LUZP2: variants seen among roughly 807,000 people sequenced by gnomAD.
LUZP2 encodes the protein leucine zipper protein 2.
Under a neutral mutation model 51.6 loss-of-function variants are expected in LUZP2, and 52 were observed. The ratio of observed to expected loss-of-function variants is 1.01; its 90% CI spans 0.81 to 1.27. LUZP2 has a LOEUF of 1.27. Among genes scored for constraint, LUZP2 ranks in the 50% most tolerant of loss-of-function variants. The probability of loss-of-function intolerance (pLI) is 0.00; values close to 1 mark genes in which losing one functional copy is unlikely to be tolerated. For missense variants in LUZP2, 436 were observed against 395.4 expected (o/e 1.10, Z -0.87); for synonymous variants, 154 against 137.3 (o/e 1.12, Z -0.85).
intron 10 of LUZP2, among the ~76,000 whole-genome samples, chr11:25,070,933 C>T (rs1295127575): frequency 6.6e-6 from 1 of 151,846 alleles, no homozygotes; most frequent in African/African-American, 2.4e-5. Flanking sequence ...TTCTTTGAAT[C>T]ACCTTTAGCC....
rs113420867 is a variant in LUZP2 at position 24,645,116 on chromosome 11, G to T, written c.63-84053G>T. On this transcript the variant is annotated intron_variant, in intron 1 of 11. Coordinates refer to ENST00000336930, the MANE Select transcript of LUZP2 (RefSeq NM_001009909.4). ...TTATTGTGCAGCCTTCTGGCATTGT[G>T]TCTAATAATGACTTGAATTATCAGT... is the stretch of plus-strand genomic sequence containing the variant. 8.9e-3 allele frequency among the ~76,000 whole-genome samples: 1,359 copies of T among 152,146 alleles called. 18 individuals are homozygous for T. Among genetic ancestry groups the T allele is most frequent in the African/African-American group, 0.031 (1,276 of 41,522 alleles).
chr11:24,602,222 A>G (rs1853727219), intron 1 of LUZP2, among the ~76,000 whole-genome samples: 1 of 76,200 alleles, frequency 1.3e-5, no homozygotes, highest in Admixed American at 1.3e-4. Flanking sequence ...ATATGTATAT[A>G]TGTACATATA....
At chr11:24,509,270 T>A (rs1040585146) in intron 1 of LUZP2, among the ~76,000 whole-genome samples, 8 of 152,068 alleles carry the variant, frequency 5.3e-5, no homozygotes, top group Non-Finnish European at 1.0e-4. Flanking sequence ...AGATTTTTCT[T>A]AGAAAGTCGT....
At chr11:24,869,490 T>C (rs1565022964) in intron 5 of LUZP2, among the ~76,000 whole-genome samples, 1 of 152,056 alleles carries the variant, frequency 6.6e-6, no homozygotes, top group Non-Finnish European at 1.5e-5. Context: ...GGAGTCTCCC[T>C]CTGTCGCCGA....
intron 4 of LUZP2, among the ~76,000 whole-genome samples, chr11:24,742,747 T>G (rs907886559): frequency 6.6e-6 from 1 of 152,116 alleles, no homozygotes; most frequent in African/African-American, 2.4e-5. Flanking sequence ...GCTTTTGGGT[T>G]CTTTGTTATG....
chr11:25,052,414 C>G (rs1261471473), intron 10 of LUZP2, among the ~76,000 whole-genome samples: 1 of 152,126 alleles, frequency 6.6e-6, no homozygotes, highest in Non-Finnish European at 1.5e-5. Flanking sequence ...AAGGTCTAGA[C>G]ATTAGTTGTG....
chr11:24,585,268 A>G (rs1853024202), intron 1 of LUZP2, among the ~76,000 whole-genome samples: 1 of 151,904 alleles, frequency 6.6e-6, no homozygotes, highest in Non-Finnish European at 1.5e-5. Context: ...CAGTAAGAGG[A>G]CCTCACTATT....
At chr11:24,896,503 C>T (rs1258649798) in intron 5 of LUZP2, among the ~76,000 whole-genome samples, 2 of 152,188 alleles carry the variant, frequency 1.3e-5, no homozygotes, top group African/African-American at 2.4e-5. Flanking sequence ...CTCAAATTCT[C>T]GCCAGGCCTC....
At chr11:24,622,376 G>A (rs992498365) in intron 1 of LUZP2, among the ~76,000 whole-genome samples, 100 of 151,872 alleles carry the variant, frequency 6.6e-4, no homozygotes, top group African/African-American at 2.4e-3. Context: ...GGAACATGCG[G>A]TGTTTGTTTT....
intron 5 of LUZP2, among the ~76,000 whole-genome samples, chr11:24,863,273 T>C (rs1851792266): frequency 1.3e-5 from 2 of 152,170 alleles, no homozygotes; most frequent in South Asian, 2.1e-4. Context: ...GTGGCATTTT[T>C]CAAAATAGCC....
At chr11:24,984,538 ATATATATATAT>A (rs1424648212) in intron 9 of LUZP2, among the ~76,000 whole-genome samples, 5 of 90,878 alleles carry the variant, frequency 5.5e-5, no homozygotes, top group Non-Finnish European at 1.0e-4. Context: ...ATATATATAT[ATATATATATAT>A]AATTGTGAAT....
At chr11:24,671,743 A>G (rs1188549936) in intron 1 of LUZP2, among the ~76,000 whole-genome samples, 2 of 152,140 alleles carry the variant, frequency 1.3e-5, no homozygotes, top group African/African-American at 4.8e-5. Flanking sequence ...CCATTCCTTG[A>G]ACATTACACG....
At chr11:24,659,784 T>C (rs1219700361) in intron 1 of LUZP2, among the ~76,000 whole-genome samples, 1 of 152,130 alleles carries the variant, frequency 6.6e-6, no homozygotes, top group African/African-American at 2.4e-5. Context: ...TTGCATATAA[T>C]ATGGTAGGAA....
chr11:24,582,228 TC>T (rs1852884201), intron 1 of LUZP2, among the ~76,000 whole-genome samples: 1 of 151,996 alleles, frequency 6.6e-6, no homozygotes, highest in Non-Finnish European at 1.5e-5. Context: ...AAGAATCTTT[TC>T]CAGGTGTGTC....
chr11:24,557,014 C>G (rs975846285), intron 1 of LUZP2, among the ~76,000 whole-genome samples: 5 of 152,178 alleles, frequency 3.3e-5, no homozygotes, highest in African/African-American at 1.2e-4. Flanking sequence ...TTAATTTCCT[C>G]TCTTTCCATG....
chr11:25,005,580 T>C (rs573695335), intron 9 of LUZP2, among the ~76,000 whole-genome samples: 2 of 152,104 alleles, frequency 1.3e-5, no homozygotes, highest in Admixed American at 1.3e-4. Flanking sequence ...TGTTGATGCC[T>C]GTTTCCCATC....
At position 24,729,291 on chromosome 11, in the gene LUZP2, G is replaced by A. The variant is rs1858618444; in HGVS notation, c.180+5G>A. On this transcript the variant is annotated splice_donor_5th_base_variant and intron_variant, in intron 2 of 11. Coordinates refer to ENST00000336930, the MANE Select transcript of LUZP2 (RefSeq NM_001009909.4). ...GGAATTAAAGTCAATCTTCAGGTGA[G>A]ATGAGAACTCATTTTCCGAGCAGTA... 6.8e-7 allele frequency: 1 copy of A among 1,474,988 alleles called. No individual in the cohort carries two copies. The highest frequency in any genetic ancestry group is 9.3e-7 in the Non-Finnish European group (1 of 1,078,940). 91.4% of individuals were successfully genotyped at this position (1,474,988 alleles called of 1,614,324 possible).
At chr11:24,655,313 CAGA>C (rs1339032203) in intron 1 of LUZP2, among the ~76,000 whole-genome samples, 2 of 151,722 alleles carry the variant, frequency 1.3e-5, no homozygotes, top group African/African-American at 4.8e-5. Flanking sequence ...CCATAAAACC[CAGA>C]AGGTTTAGAA....
At chr11:24,677,424 A>C (rs1460937102) in intron 1 of LUZP2, among the ~76,000 whole-genome samples, 1 of 152,186 alleles carries the variant, frequency 6.6e-6, no homozygotes. Flanking sequence ...TCGTGTAGGT[A>C]TGGTAGATCT....
Sources: gnomAD v4.1 joint callset for allele counts (sites outside exome capture counted in the v4.1 genomes callset) on GRCh38, gnomAD v4.1.1 for gene constraint, MANE v1.5 for transcripts, NCBI Gene and HGNC (gene_info 2026-07-23, HGNC 2026-07-21) for gene names.